Variants in LRMDA observed in about 807,000 individuals in gnomAD.
LRMDA encodes leucine-rich melanocyte differentiation-associated protein.
In LRMDA, 18 loss-of-function variants were observed where a neutral mutation model predicts 29.8. The ratio of observed to expected loss-of-function variants is 0.60; its 90% CI spans 0.42 to 0.90. LRMDA has a LOEUF of 0.90. LRMDA is among the 40% of genes least tolerant of loss of function. The pLI is 0.00. For missense variants in LRMDA, 273 were observed against 273.9 expected (o/e 1.00, Z 0.02); for synonymous variants, 125 against 109.4 (o/e 1.14, Z -0.89).
intron 2 of LRMDA, among the ~76,000 whole-genome samples, chr10:75,726,027 G>A (rs1201754124): frequency 1.3e-5 from 2 of 152,194 alleles, no homozygotes; most frequent in African/African-American, 4.8e-5. Context: ...GGACCGTGAA[G>A]AGAGTGTAAG....
At chr10:75,717,551 T>C (rs1564548372) in intron 2 of LRMDA, among the ~76,000 whole-genome samples, 1 of 152,214 alleles carries the variant, frequency 6.6e-6, no homozygotes, top group Non-Finnish European at 1.5e-5. Context: ...CTTCTGGGGA[T>C]GCTGTCCTTC....
chr10:76,477,548 C>A (rs1842688263), intron 6 of LRMDA, among the ~76,000 whole-genome samples: 1 of 152,094 alleles, frequency 6.6e-6, no homozygotes, highest in South Asian at 2.1e-4. Flanking sequence ...TTGGAAAAAA[C>A]TACTTTAAAG....
At position 76,229,237 on chromosome 10, in the gene LRMDA, G is replaced by C. The variant is rs148216016; in HGVS notation, c.517-95164G>C. Among the ~76,000 whole-genome samples the C allele has an allele frequency of 9.7e-4, 148 of 152,282 alleles. 3 individuals carry two copies. In the East Asian group the frequency reaches 0.026, roughly 27 times the overall value. On this transcript the variant is annotated intron_variant, in intron 5 of 6. Transcript: ENST00000611255. ...AATAGACCAATCAACAGGAGAAAAGGTACATAAATTTACTACAGGCATGGG... is the reference window on the plus strand; with the variant it reads ...AATAGACCAATCAACAGGAGAAAAGCTACATAAATTTACTACAGGCATGGG...
chr10:76,271,840 C>T (rs1378355970), intron 5 of LRMDA, among the ~76,000 whole-genome samples: 1 of 152,178 alleles, frequency 6.6e-6, no homozygotes, highest in African/African-American at 2.4e-5. Flanking sequence ...CCCTCGCCTT[C>T]TTGTGAATTA....
At position 76,408,667 on chromosome 10, in the gene LRMDA, T is replaced by C. The variant is rs1014498404; in HGVS notation, c.601+84182T>C. 2.6e-5 allele frequency among the ~76,000 whole-genome samples: 4 copies of C among 152,210 alleles called. No homozygotes were observed. In the South Asian group the frequency reaches 8.3e-4, roughly 32 times the overall value. On this transcript the variant is annotated intron_variant, in intron 6 of 6. Coordinates refer to ENST00000611255, the MANE Select transcript of LRMDA (RefSeq NM_001305581.2). ...ATTAGCTGCTTTTTGAAATTTCCTC[T>C]GAAGTTTGCCTTTTTCATTTTCCCT...
chr10:75,699,520 T>G (rs1842279681), intron 2 of LRMDA, among the ~76,000 whole-genome samples: 1 of 152,214 alleles, frequency 6.6e-6, no homozygotes, highest in Admixed American at 6.5e-5. Flanking sequence ...TTGAATTTAT[T>G]TGTTAAAAAT....
intron 5 of LRMDA, among the ~76,000 whole-genome samples, chr10:76,105,091 C>T (rs1849459018): frequency 6.6e-6 from 1 of 152,106 alleles, no homozygotes; most frequent in Non-Finnish European, 1.5e-5. Flanking sequence ...TGGAAACTGC[C>T]CTCCACCAAT....
chr10:76,265,584 G>C (rs1174914975), intron 5 of LRMDA, among the ~76,000 whole-genome samples: 1 of 152,158 alleles, frequency 6.6e-6, no homozygotes, highest in Non-Finnish European at 1.5e-5. Flanking sequence ...ACAAGCACAG[G>C]CGAGGCTTGG....
chr10:75,918,662 G>A (rs984871341), intron 2 of LRMDA, among the ~76,000 whole-genome samples: 4 of 152,170 alleles, frequency 2.6e-5, no homozygotes, highest in Non-Finnish European at 5.9e-5. Context: ...CAACTATGAT[G>A]CCTCCAACAC....
chr10:76,381,525 T>G (rs1346822059), intron 6 of LRMDA, among the ~76,000 whole-genome samples: 1 of 152,190 alleles, frequency 6.6e-6, no homozygotes, highest in African/African-American at 2.4e-5. Flanking sequence ...ATAAGAGTTT[T>G]CTGGTATTCC....
intron 5 of LRMDA, among the ~76,000 whole-genome samples, chr10:76,245,645 G>T (rs1352143761): frequency 1.3e-5 from 2 of 152,218 alleles, no homozygotes; most frequent in African/African-American, 4.8e-5. Context: ...GCTTGGAGGT[G>T]TTAGGTAAGT....
chr10:76,411,716 G>C (rs955552186), intron 6 of LRMDA, among the ~76,000 whole-genome samples: 2 of 152,372 alleles, frequency 1.3e-5, no homozygotes, highest in Admixed American at 1.3e-4. Flanking sequence ...GAATGCAACG[G>C]TGCCAGCAGT....
At chr10:75,870,943 T>G (rs1845099240) in intron 2 of LRMDA, among the ~76,000 whole-genome samples, 1 of 152,196 alleles carries the variant, frequency 6.6e-6, no homozygotes. Context: ...TTCTCTGTTG[T>G]CATAAGATTT....
intron 2 of LRMDA, among the ~76,000 whole-genome samples, chr10:76,006,313 G>GA (rs1391778998): frequency 6.6e-6 from 1 of 152,152 alleles, no homozygotes; most frequent in Non-Finnish European, 1.5e-5. Context: ...AGTTCAGAAG[G>GA]AGAGTCAGCC....
At chr10:75,810,829 G>A (rs1843945776) in intron 2 of LRMDA, among the ~76,000 whole-genome samples, 1 of 152,246 alleles carries the variant, frequency 6.6e-6, no homozygotes, top group Admixed American at 6.5e-5. Context: ...AGGAGATACA[G>A]TTGTTGGAGC....
chr10:75,756,818 C>T (rs1296069457), intron 2 of LRMDA, among the ~76,000 whole-genome samples: 1 of 152,184 alleles, frequency 6.6e-6, no homozygotes, highest in Non-Finnish European at 1.5e-5. Flanking sequence ...TGGATTCCAA[C>T]TTTGGTTCAA....
At chr10:76,315,002 AG>A (rs1457201564) in intron 5 of LRMDA, among the ~76,000 whole-genome samples, 4 of 152,216 alleles carry the variant, frequency 2.6e-5, no homozygotes, top group African/African-American at 9.6e-5. Flanking sequence ...TAAGCCTAGG[AG>A]GGTTTTCTTT....
chr10:76,035,863 A>C, intron 2 of LRMDA, 145 bp from the exon 3 acceptor site: 2 of 871,120 alleles, frequency 2.3e-6, no homozygotes, highest in Non-Finnish European at 1.7e-6. Context: ...TCCTGCTACT[A>C]ATTCTTGTCA....
intron 2 of LRMDA, among the ~76,000 whole-genome samples, chr10:75,664,122 T>G (rs1408020532): frequency 6.6e-6 from 1 of 152,176 alleles, no homozygotes; most frequent in East Asian, 1.9e-4. Context: ...ATGTAGCTGT[T>G]TTTATCCTTG....
Sources: allele counts gnomAD v4.1 joint callset (sites outside exome capture counted in the v4.1 genomes callset), GRCh38; gene constraint gnomAD v4.1.1; transcripts MANE v1.5; gene names NCBI Gene and HGNC (gene_info 2026-07-23, HGNC 2026-07-21).